The following FAM120C variants were observed in gnomAD, a reference collection of about 807,000 sequenced individuals.
The protein encoded by FAM120C is family with sequence similarity 120 member C.
A neutral mutation model predicts 71.2 loss-of-function variants in FAM120C; 14 were observed. The observed-to-expected ratio is 0.20, with a 90% CI of 0.13 to 0.31. The LOEUF (loss-of-function observed/expected upper bound fraction) is 0.31, where lower values mean the gene tolerates loss of function less well. FAM120C is among the 10% of genes least tolerant of loss of function. FAM120C has a pLI of 1.00. For missense variants in FAM120C, 500 were observed against 879.0 expected, an observed-to-expected ratio of 0.57 and a Z score of 5.45; for synonymous variants, 354 against 353.2, an observed-to-expected ratio of 1.00 and a Z score of -0.03.
Position 54,135,617 on chromosome X carries a change from G to C in FAM120C, c.1259-13C>G, listed in dbSNP as rs1381037365. The stretch of plus-strand genomic sequence containing the variant: ...TTATTCCGAAAACCTGAAGCCAAGA[G>C]AAAGAGCTATACTTCAGTCAATCCT... On this transcript the variant is annotated splice_polypyrimidine_tract_variant and intron_variant, in intron 5 of 15. Coordinates refer to ENST00000375180, the MANE Select transcript of FAM120C (RefSeq NM_017848.6). 4 of 1,188,513 alleles carry C rather than the reference G, an allele frequency of 3.4e-6. No homozygotes were observed. The highest frequency in any genetic ancestry group is 4.6e-6 in the Non-Finnish European group (4 of 875,677).
intron 13 of FAM120C, among the ~76,000 whole-genome samples, chrX:54,082,399 C>T (rs1261942527): frequency 9.1e-6 from 1 of 109,980 alleles, no homozygotes; most frequent in Non-Finnish European, 1.9e-5. Flanking sequence ...AAATTACAAG[C>T]CTAAACTACT....
chrX:54,118,059 A>C (rs1470040873), intron 9 of FAM120C, among the ~76,000 whole-genome samples: 1 of 110,184 alleles, frequency 9.1e-6, no homozygotes, highest in Non-Finnish European at 1.9e-5. Flanking sequence ...CCCCATCTCT[A>C]CTAAAAATAC....
At chrX:54,127,464 G>A (rs1024791735) in intron 9 of FAM120C, among the ~76,000 whole-genome samples, 6 of 106,528 alleles carry the variant, frequency 5.6e-5, no homozygotes, top group Admixed American at 1.0e-4. Context: ...GGTGGTGGGC[G>A]CCTGTAGTCC....
At chrX:54,118,049 C>A (rs2066981409) in intron 9 of FAM120C, among the ~76,000 whole-genome samples, 1 of 110,216 alleles carries the variant, frequency 9.1e-6, no homozygotes, top group Non-Finnish European at 1.9e-5. Context: ...CATGGAGAAA[C>A]CCCATCTCTA....
Position 54,183,227 on chromosome X carries a change from G to A in FAM120C, c.-29C>T. On this transcript the variant is annotated 5_prime_UTR_variant, in exon 1 of 16. Coordinates refer to ENST00000375180, the MANE Select transcript of FAM120C (RefSeq NM_017848.6). The stretch of plus-strand genomic sequence containing the variant: ...TCGTCGGTGGGCAGACGCGATAGCG[G>A]CTGCGCAAGCAGGATAGGCGACGAT... 1 of 1,040,200 alleles carries A rather than the reference G, an allele frequency of 9.6e-7. No homozygotes were observed. Among genetic ancestry groups the A allele is most frequent in the Non-Finnish European group, 1.2e-6 (1 of 805,608 alleles). 85.7% of individuals were successfully genotyped at this position (1,040,200 alleles called of 1,213,427 possible).
intron 10 of FAM120C, among the ~76,000 whole-genome samples, chrX:54,107,788 C>A (rs1053857015): frequency 2.9e-5 from 3 of 102,890 alleles, no homozygotes; most frequent in Non-Finnish European, 5.9e-5. Context: ...TCCCAAAGTG[C>A]TGGGATTACA....
chrX:54,137,346 T>C (rs782033333), intron 4 of FAM120C, among the ~76,000 whole-genome samples: 1 of 112,290 alleles, frequency 8.9e-6, no homozygotes, highest in Non-Finnish European at 1.9e-5. Flanking sequence ...ATAATAGGCA[T>C]GAACCACTGT....
chrX:54,125,810 T>C (rs1481033715), intron 9 of FAM120C, among the ~76,000 whole-genome samples: 1 of 112,808 alleles, frequency 8.9e-6, no homozygotes, highest in African/African-American at 3.2e-5. Flanking sequence ...TGTTATCAAT[T>C]TGGGGAGAAC....
At chrX:54,097,898 T>C (rs922562539) in intron 10 of FAM120C, among the ~76,000 whole-genome samples, 1 of 109,879 alleles carries the variant, frequency 9.1e-6, no homozygotes, top group African/African-American at 3.3e-5. Context: ...GGCTAATTTT[T>C]TGTATTTTTA....
chrX:54,140,273 G>C (rs1416253409), intron 4 of FAM120C, among the ~76,000 whole-genome samples: 1 of 101,904 alleles, frequency 9.8e-6, no homozygotes, highest in African/African-American at 3.6e-5. Flanking sequence ...TCCAGCCTGG[G>C]TGACAGAGAC....
At chrX:54,174,171 A>G in intron 1 of FAM120C, 1 of 513,007 alleles carries the variant, frequency 1.9e-6, no homozygotes, top group Non-Finnish European at 3.5e-6. Flanking sequence ...TCAAGCAAGA[A>G]GAGCCAGAGA....
intron 13 of FAM120C, among the ~76,000 whole-genome samples, chrX:54,084,948 T>C (rs949091087): frequency 1.8e-5 from 2 of 111,731 alleles, no homozygotes; most frequent in African/African-American, 6.5e-5. Flanking sequence ...TCCATGCTTC[T>C]GGAGCTGAAG....
At chrX:54,132,934 GC>G in intron 8 of FAM120C, 71 bp from the exon 9 acceptor site, 1 of 900,749 alleles carries the variant, frequency 1.1e-6, no homozygotes, top group Non-Finnish European at 1.5e-6. Flanking sequence ...GCTGAGAAGA[GC>G]CAATAATAAA....
intron 3 of FAM120C, among the ~76,000 whole-genome samples, chrX:54,157,084 A>T (rs2067213790): frequency 9.1e-6 from 1 of 110,199 alleles, no homozygotes; most frequent in Non-Finnish European, 1.9e-5. Context: ...CATTTAATTT[A>T]CATGTCTGAT....
intron 1 of FAM120C, among the ~76,000 whole-genome samples, chrX:54,175,260 A>G (rs1351182182): frequency 1.8e-5 from 2 of 111,975 alleles, no homozygotes; most frequent in East Asian, 5.6e-4. Context: ...GGCACACAGG[A>G]GTCCAATACA....
At chrX:54,128,501 T>A (rs2067040703) in intron 9 of FAM120C, among the ~76,000 whole-genome samples, 1 of 110,309 alleles carries the variant, frequency 9.1e-6, no homozygotes, top group Non-Finnish European at 1.9e-5. Flanking sequence ...AATTGATCAT[T>A]CTTGGGTGTT....
At chrX:54,080,113 G>T (rs187858364) in intron 15 of FAM120C, 119 bp downstream of exon 15, 14 of 547,644 alleles carry the variant, frequency 2.6e-5, no homozygotes, top group Middle Eastern at 6.4e-4. Context: ...ATGCCTGGAG[G>T]AGTTGAGAAG....
chrX:54,169,902 T>C (rs2067278966), intron 1 of FAM120C, among the ~76,000 whole-genome samples: 1 of 111,567 alleles, frequency 9.0e-6, no homozygotes, highest in African/African-American at 3.3e-5. Flanking sequence ...ATCACAAAGC[T>C]AAAGAATAAT....
At chrX:54,096,211 G>C (rs1466606340) in intron 10 of FAM120C, among the ~76,000 whole-genome samples, 1 of 109,192 alleles carries the variant, frequency 9.2e-6, no homozygotes, top group African/African-American at 3.3e-5. Context: ...AGGAGTTTTA[G>C]GCCAGCGTGA....
Sources: allele counts gnomAD v4.1 joint callset (sites outside exome capture counted in the v4.1 genomes callset), GRCh38; gene constraint gnomAD v4.1.1; transcripts MANE v1.5; gene names NCBI Gene and HGNC (gene_info 2026-07-23, HGNC 2026-07-21).